TMEM178B: variants seen among roughly 807,000 people sequenced by gnomAD.
TMEM178B encodes the protein transmembrane protein 178B.
A neutral mutation model predicts 31.0 loss-of-function variants in TMEM178B; 5 were observed. The ratio of observed to expected loss-of-function variants is 0.16; its 90% CI spans 0.08 to 0.34. The LOEUF (loss-of-function observed/expected upper bound fraction) is 0.34. Among genes scored for constraint, TMEM178B ranks in the 10% least tolerant of loss-of-function variants. TMEM178B has a pLI of 1.00. For synonymous variants in TMEM178B, 164 were observed against 164.0 expected, an observed-to-expected ratio of 1.00 and a Z score of 0.00; for missense variants, 275 against 400.3, an observed-to-expected ratio of 0.69 and a Z score of 2.67.
chr7:141,248,525 G>A (rs1797776719), intron 2 of TMEM178B, among the ~76,000 whole-genome samples: 1 of 152,108 alleles, frequency 6.6e-6, no homozygotes, highest in Non-Finnish European at 1.5e-5. Context: ...AGACATTGAC[G>A]GTATAGCCTA....
chr7:141,236,137 C>A (rs1057394952), intron 2 of TMEM178B, among the ~76,000 whole-genome samples: 4 of 152,322 alleles, frequency 2.6e-5, no homozygotes, highest in Middle Eastern at 3.4e-3. Flanking sequence ...CAGCCCCTTA[C>A]CCCCACAGGT....
intron 2 of TMEM178B, among the ~76,000 whole-genome samples, chr7:141,226,805 C>T (rs1797349103): frequency 7.0e-6 from 1 of 142,458 alleles, no homozygotes; most frequent in African/African-American, 2.7e-5. Flanking sequence ...TTGCAGTGAA[C>T]TGAAGTTGCA....
At position 141,478,666 on chromosome 7, in the gene TMEM178B, A is replaced by G. The variant is rs1341857184; in HGVS notation, c.*7880A>G. 6.6e-6 allele frequency: 1 copy of G among 152,246 alleles called. No individual in the cohort carries two copies. The highest frequency in any genetic ancestry group is 1.5e-5 in the Non-Finnish European group (1 of 68,038). 9.4% of individuals were successfully genotyped at this position (152,246 alleles called of 1,614,324 possible). A position where few individuals can be genotyped will look rare whatever the true frequency, so the allele number is the denominator to read the frequency against. On this transcript the variant is annotated 3_prime_UTR_variant, in exon 4 of 4. Coordinates refer to ENST00000565468, the MANE Select transcript of TMEM178B (RefSeq NM_001195278.2). Reference sequence around the variant, plus strand: ...TCAGCATGGAATCAATATAAAAATTACTGGGATATTTTACATTCTTTTTTC... The same window carrying G: ...TCAGCATGGAATCAATATAAAAATTGCTGGGATATTTTACATTCTTTTTTC...
At chr7:141,164,185 A>G (rs1457520174) in intron 1 of TMEM178B, among the ~76,000 whole-genome samples, 1 of 152,236 alleles carries the variant, frequency 6.6e-6, no homozygotes, top group Non-Finnish European at 1.5e-5. Flanking sequence ...ATCATTTTTA[A>G]TATGTGAGTC....
At chr7:141,360,895 A>G (rs1392494888) in intron 2 of TMEM178B, among the ~76,000 whole-genome samples, 1 of 151,730 alleles carries the variant, frequency 6.6e-6, no homozygotes, top group Non-Finnish European at 1.5e-5. Context: ...CCAATACTCC[A>G]TGGTGGAAGA....
rs1349095840 is a variant in TMEM178B, at chr7:141,344,026, G to A, written c.497-93582G>A. On this transcript the variant is annotated intron_variant, in intron 2 of 3. Transcript: ENST00000565468. The surrounding 1 kb of genome is among the most constrained non-coding windows in gnomAD (Gnocchi z 4.1). ...TATTCATACTGCAGAGGAAAGGACA[G>A]CTTGGATTGTGACAGATTTTAAAAT... Among the ~76,000 whole-genome samples, 2 of 152,188 alleles carry A rather than the reference G, an allele frequency of 1.3e-5. No homozygotes were observed. Among genetic ancestry groups the A allele is most frequent in the East Asian group, 3.8e-4 (2 of 5,200 alleles).
chr7:141,340,583 G>A (rs373442276), intron 2 of TMEM178B, among the ~76,000 whole-genome samples: 1 of 152,174 alleles, frequency 6.6e-6, no homozygotes, highest in African/African-American at 2.4e-5. Context: ...CTCCTCAGAG[G>A]AATCCGATTG....
chr7:141,161,890 G>A (rs1796179268), intron 1 of TMEM178B, among the ~76,000 whole-genome samples: 1 of 152,164 alleles, frequency 6.6e-6, no homozygotes, highest in African/African-American at 2.4e-5. Flanking sequence ...TATGAGTGCA[G>A]CAGTGTGGTC....
chr7:141,451,647 A>ATAAT (rs1460041528), intron 3 of TMEM178B, among the ~76,000 whole-genome samples: 1 of 152,236 alleles, frequency 6.6e-6, no homozygotes, highest in Non-Finnish European at 1.5e-5. Flanking sequence ...CATGAAGGGC[A>ATAAT]GTGTTCTTGG....
chr7:141,343,646 G>A (rs1287615828), intron 2 of TMEM178B, among the ~76,000 whole-genome samples: 1 of 151,370 alleles, frequency 6.6e-6, no homozygotes, highest in Non-Finnish European at 1.5e-5. Flanking sequence ...ACCCCACCGG[G>A]TTACACCATT....
intron 2 of TMEM178B, among the ~76,000 whole-genome samples, chr7:141,386,975 A>G (rs1255669698): frequency 6.6e-6 from 1 of 152,170 alleles, no homozygotes; most frequent in African/African-American, 2.4e-5. Context: ...AAAGAAGTCA[A>G]ATTATTCTAG....
At chr7:141,467,095 A>T (rs1412268226) in intron 3 of TMEM178B, among the ~76,000 whole-genome samples, 1 of 152,012 alleles carries the variant, frequency 6.6e-6, no homozygotes, top group Admixed American at 6.5e-5. Flanking sequence ...TTTGCCCCAC[A>T]CAAGGATTCA....
chr7:141,368,297 C>T (rs776054829), intron 2 of TMEM178B, among the ~76,000 whole-genome samples: 17 of 152,054 alleles, frequency 1.1e-4, no homozygotes, highest in Admixed American at 4.6e-4. Flanking sequence ...CCAGCCTGGG[C>T]GATAGAGTGA....
chr7:141,440,586 G>C (rs1801639723), intron 3 of TMEM178B, among the ~76,000 whole-genome samples: 1 of 152,100 alleles, frequency 6.6e-6, no homozygotes, highest in African/African-American at 2.4e-5. Context: ...ACAGGGCAGG[G>C]CTGAGATGGG....
rs376886684 is a variant in TMEM178B at position 141,394,227 on chromosome 7, G to A, written c.497-43381G>A. Among the ~76,000 whole-genome samples the A allele has an allele frequency of 4.6e-5, 7 of 152,278 alleles. 1 individual carries two copies. The highest frequency in any genetic ancestry group is 2.0e-4 in the Admixed American group (3 of 15,302). On this transcript the variant is annotated intron_variant, in intron 2 of 3. Transcript: ENST00000565468. ...AGACTGGAAAGAATGCGTCACCTCC[G>A]TGACAGCTTCTTCACCCCCGCCTGT...
intron 2 of TMEM178B, among the ~76,000 whole-genome samples, chr7:141,262,213 T>G (rs988073050): frequency 6.6e-6 from 1 of 152,118 alleles, no homozygotes; most frequent in Admixed American, 6.6e-5. Flanking sequence ...TTTGCATACT[T>G]CTCTGGGCTC....
At chr7:141,218,727 C>T (rs111730500) in intron 2 of TMEM178B, among the ~76,000 whole-genome samples, 5,025 of 152,222 alleles carry the variant, frequency 0.033, 212 homozygotes, top group African/African-American at 0.1. Context: ...TGCCCTTGAA[C>T]CCCAGGGTCC....
chr7:141,399,048 A>C (rs2116616214), intron 2 of TMEM178B, among the ~76,000 whole-genome samples: 1 of 152,360 alleles, frequency 6.6e-6, no homozygotes, highest in African/African-American at 2.4e-5. Context: ...GCACAGATTC[A>C]GCACCTGTTT....
At chr7:141,188,463 G>A (rs1441263166) in intron 1 of TMEM178B, among the ~76,000 whole-genome samples, 3 of 152,180 alleles carry the variant, frequency 2.0e-5, no homozygotes, top group Non-Finnish European at 2.9e-5. Context: ...CTCAACTTGC[G>A]TAACTGCTCT....
Sources: allele counts gnomAD v4.1 joint callset (sites outside exome capture counted in the v4.1 genomes callset), GRCh38; gene constraint gnomAD v4.1.1; non-coding constraint Gnocchi (gnomAD v3.1); transcripts MANE v1.5; gene names NCBI Gene and HGNC (gene_info 2026-07-23, HGNC 2026-07-21).